Variants in ARHGAP15 observed in about 807,000 individuals in gnomAD.
ARHGAP15 encodes Rho GTPase activating protein 15.
Under a neutral mutation model 63.7 loss-of-function variants are expected in ARHGAP15, and 51 were observed. That is an observed-to-expected ratio of 0.80 (90% CI 0.64 to 1.01). The LOEUF (loss-of-function observed/expected upper bound fraction) is 1.01, where lower values mean the gene tolerates loss of function less well. Ranked by LOEUF, ARHGAP15 falls within the 50% of genes least tolerant of loss-of-function variation. ARHGAP15 has a pLI of 0.00. For missense variants in ARHGAP15, 560 were observed against 564.6 expected (o/e 0.99, Z 0.08); for synonymous variants, 191 against 193.8 (o/e 0.99, Z 0.12).
intron 3 of ARHGAP15, among the ~76,000 whole-genome samples, chr2:143,214,152 A>G (rs1044836215): frequency 6.6e-6 from 1 of 152,168 alleles, no homozygotes; most frequent in African/African-American, 2.4e-5. Context: ...TTTGGAAAAA[A>G]CAATTGGGGC....
chr2:143,576,294 G>C (rs2105133146), intron 11 of ARHGAP15, among the ~76,000 whole-genome samples: 1 of 152,182 alleles, frequency 6.6e-6, no homozygotes, highest in Non-Finnish European at 1.5e-5. Flanking sequence ...AGGCAGGAAA[G>C]ACAAATAATT....
At position 143,519,254 on chromosome 2, in the gene ARHGAP15, T is replaced by C. The variant is rs1158938198; in HGVS notation, c.827-12T>C. On this transcript the variant is annotated splice_polypyrimidine_tract_variant and intron_variant, in intron 9 of 13. Coordinates refer to ENST00000295095, the MANE Select transcript of ARHGAP15 (RefSeq NM_018460.4). ...TGGATTTTAATGAAGCTCATCTTTG[T>C]TTCTTTTGCAGATCAAATTTTTGGC... The C allele has an allele frequency of 3.1e-6, 5 of 1,598,550 alleles. 1 individual carries two copies. In the Admixed American group the frequency reaches 6.7e-5, roughly 21 times the overall value.
intron 13 of ARHGAP15, among the ~76,000 whole-genome samples, chr2:143,717,992 C>T (rs1001428884): frequency 3.9e-5 from 6 of 152,088 alleles, no homozygotes; most frequent in South Asian, 2.1e-4. Flanking sequence ...CTGACAAGTC[C>T]GGCAGCAGTA....
Position 143,435,698 on chromosome 2 carries a change from T to C in ARHGAP15, c.572T>C (p.Leu191Ser), listed in dbSNP as rs776904021. 1.2e-6 allele frequency: 2 copies of C among 1,602,286 alleles called. No individual in the cohort carries two copies. Among genetic ancestry groups the C allele is most frequent in the Non-Finnish European group, 1.7e-6 (2 of 1,176,600 alleles). The change falls in exon 7 of 14, where the codon TTG becomes TCG. Residue 191 changes from leucine to serine, a missense_variant and splice_region_variant. Coordinates refer to ENST00000295095, the MANE Select transcript of ARHGAP15 (RefSeq NM_018460.4). Reference protein sequence around the residue: ...FHAIKNAIDRLPKDSSCPSRN... With the variant: ...FHAIKNAIDRSPKDSSCPSRN... ...GCTATCAAAAATGCAATTGACAGAT[T>C]GGTATGTATTTGTTTTGGCTGTTAC...
At chr2:143,434,502 G>A (rs918355062) in intron 6 of ARHGAP15, among the ~76,000 whole-genome samples, 1 of 152,064 alleles carries the variant, frequency 6.6e-6, no homozygotes, top group Non-Finnish European at 1.5e-5. Context: ...TTTAATGATA[G>A]AATTATAGAG....
chr2:143,233,859 G>A (rs909892016), intron 5 of ARHGAP15, among the ~76,000 whole-genome samples: 33 of 151,914 alleles, frequency 2.2e-4, no homozygotes, highest in South Asian at 4.2e-4. Context: ...TGGCCAAGCC[G>A]GTCTTGAATT....
chr2:143,763,081 A>T (rs1239364267), intron 13 of ARHGAP15, among the ~76,000 whole-genome samples: 1 of 152,126 alleles, frequency 6.6e-6, no homozygotes, highest in Non-Finnish European at 1.5e-5. Flanking sequence ...CATATGTTTT[A>T]CTAGTTGAAA....
intron 10 of ARHGAP15, among the ~76,000 whole-genome samples, chr2:143,520,177 A>C (rs966168039): frequency 6.6e-6 from 1 of 152,198 alleles, no homozygotes; most frequent in Admixed American, 6.5e-5. Context: ...AGGTGTTTTC[A>C]GAAAAAAGGA....
intron 8 of ARHGAP15, among the ~76,000 whole-genome samples, chr2:143,485,955 A>T (rs1692305366): frequency 6.6e-6 from 1 of 152,130 alleles, no homozygotes; most frequent in African/African-American, 2.4e-5. Flanking sequence ...GATAAGCAGG[A>T]TATTTTTCTT....
At chr2:143,654,708 C>T (rs1371255474) in intron 12 of ARHGAP15, among the ~76,000 whole-genome samples, 1 of 152,144 alleles carries the variant, frequency 6.6e-6, no homozygotes, top group East Asian at 1.9e-4. Flanking sequence ...GTCTGAAACC[C>T]AAGGGTTTTT....
intron 6 of ARHGAP15, among the ~76,000 whole-genome samples, chr2:143,282,302 A>G (rs1681889048): frequency 6.6e-6 from 1 of 152,052 alleles, no homozygotes; most frequent in Admixed American, 6.6e-5. Flanking sequence ...TTATTGGTGT[A>G]TTAGTTTGTT....
At chr2:143,442,343 C>T (rs1310252801) in intron 8 of ARHGAP15, among the ~76,000 whole-genome samples, 1 of 152,128 alleles carries the variant, frequency 6.6e-6, no homozygotes, top group Non-Finnish European at 1.5e-5. Flanking sequence ...TAGGGAACAA[C>T]TCATTCTGAA....
chr2:143,296,680 AACTTTT>A (rs1452713066), intron 6 of ARHGAP15, among the ~76,000 whole-genome samples: 3 of 151,892 alleles, frequency 2.0e-5, no homozygotes, highest in African/African-American at 4.8e-5. Context: ...CATTTTTTTA[AACTTTT>A]ACTTTAGGTA....
chr2:143,417,908 A>G (rs1688754038), intron 6 of ARHGAP15, among the ~76,000 whole-genome samples: 1 of 152,236 alleles, frequency 6.6e-6, no homozygotes, highest in South Asian at 2.1e-4. Flanking sequence ...AACTTGAGAA[A>G]CCAATTTTTG....
intron 5 of ARHGAP15, among the ~76,000 whole-genome samples, chr2:143,232,356 C>A (rs780559250): frequency 5.3e-5 from 8 of 152,162 alleles, no homozygotes; most frequent in African/African-American, 1.7e-4. Context: ...CATACTCTCT[C>A]TTTTGCTCAT....
intron 11 of ARHGAP15, among the ~76,000 whole-genome samples, 156 bp downstream of exon 11, chr2:143,556,641 C>T (rs576863583): frequency 1.3e-5 from 2 of 151,866 alleles, no homozygotes; most frequent in Admixed American, 1.3e-4. Context: ...TAAAAGATAA[C>T]CAACTAGTTT....
chr2:143,509,384 G>A (rs1026522659), intron 9 of ARHGAP15, among the ~76,000 whole-genome samples: 10 of 150,986 alleles, frequency 6.6e-5, no homozygotes, highest in African/African-American at 2.2e-4. Context: ...TACTTCCAGT[G>A]CATGTCGTAG....
At chr2:143,646,532 C>T (rs1028698660) in intron 12 of ARHGAP15, among the ~76,000 whole-genome samples, 6 of 151,974 alleles carry the variant, frequency 3.9e-5, no homozygotes, top group African/African-American at 9.7e-5. Flanking sequence ...CATCTTCTGA[C>T]GTTCTGGTCT....
At chr2:143,644,451 G>C (rs1043047879) in intron 12 of ARHGAP15, among the ~76,000 whole-genome samples, 1 of 151,514 alleles carries the variant, frequency 6.6e-6, no homozygotes, top group Non-Finnish European at 1.5e-5. Flanking sequence ...GGGGAGAAAT[G>C]AGAGGAGAAA....
Sources: allele counts gnomAD v4.1 joint callset (sites outside exome capture counted in the v4.1 genomes callset), GRCh38; gene constraint gnomAD v4.1.1; transcripts MANE v1.5; gene names NCBI Gene and HGNC (gene_info 2026-07-23, HGNC 2026-07-21).